Variants in PDCD6IP observed in about 807,000 individuals in gnomAD.
PDCD6IP encodes the protein programmed cell death 6 interacting protein, also known as programmed cell death 6-interacting protein.
Under a neutral mutation model 103.7 loss-of-function variants are expected in PDCD6IP, and 43 were observed. The ratio of observed to expected loss-of-function variants is 0.41; its 90% CI spans 0.32 to 0.53. PDCD6IP has a LOEUF of 0.53. Ranked by LOEUF, PDCD6IP falls within the 20% of genes least tolerant of loss-of-function variation. PDCD6IP has a pLI of 0.16. For synonymous variants in PDCD6IP, 354 were observed against 378.7 expected, an observed-to-expected ratio of 0.93 and a Z score of 0.76; for missense variants, 871 against 1,036.7, an observed-to-expected ratio of 0.84 and a Z score of 2.20.
At chr3:33,856,188 C>G (rs1191851383) in intron 15 of PDCD6IP, among the ~76,000 whole-genome samples, 1 of 152,160 alleles carries the variant, frequency 6.6e-6, no homozygotes, top group Non-Finnish European at 1.5e-5. Context: ...TCTTCCGCTC[C>G]CCTGTGGAAA....
At chr3:33,858,964 A>T (rs1464681714) in intron 15 of PDCD6IP, among the ~76,000 whole-genome samples, 1 of 152,232 alleles carries the variant, frequency 6.6e-6, no homozygotes, top group Non-Finnish European at 1.5e-5. Flanking sequence ...GTTCAAGTAG[A>T]AAAAGAAACA....
At chr3:33,833,243 A>G (rs1257741708) in intron 7 of PDCD6IP, among the ~76,000 whole-genome samples, 1 of 152,142 alleles carries the variant, frequency 6.6e-6, no homozygotes, top group Non-Finnish European at 1.5e-5. Context: ...GTTAATAGTC[A>G]TAATCCAGTA....
rs184048861 is a variant in PDCD6IP, at chr3:33,869,428, C to T, written c.*2903C>T. On this transcript the variant is annotated 3_prime_UTR_variant, in exon 18 of 18. Transcript: ENST00000307296. Reference sequence around the variant, plus strand: ...TTGCTAGATTAAAAATAGACTAGAACAGGTTCATTTTAAGATTTACTTGGA... The same window carrying T: ...TTGCTAGATTAAAAATAGACTAGAATAGGTTCATTTTAAGATTTACTTGGA... The T allele has an allele frequency of 1.3e-5, 2 of 152,174 alleles. No individual in the cohort carries two copies. 9.4% of individuals were successfully genotyped at this position (152,174 alleles called of 1,614,324 possible).
chr3:33,818,720 T>C (rs1696920666), intron 3 of PDCD6IP, among the ~76,000 whole-genome samples: 1 of 152,074 alleles, frequency 6.6e-6, no homozygotes. Context: ...GGTTTCACCA[T>C]GTTGGCCAGA....
intron 15 of PDCD6IP, among the ~76,000 whole-genome samples, chr3:33,860,610 T>A (rs996904825): frequency 6.6e-6 from 1 of 152,230 alleles, no homozygotes; most frequent in African/African-American, 2.4e-5. Flanking sequence ...TACTTTCTCC[T>A]GTTTTTGCAT....
chr3:33,798,844 A>C lies in PDCD6IP; in HGVS notation c.116A>C (p.Tyr39Ser). 1 of 1,555,786 alleles carries C rather than the reference A, an allele frequency of 6.4e-7. No individual in the cohort carries two copies. The highest frequency in any genetic ancestry group is 8.7e-7 in the Non-Finnish European group (1 of 1,149,690). ...AGCGGCGGGGAAGAGCAGGCCCAGTACTGCCGCGCGGCGGAGGAGCTCAGC... is the reference window on the plus strand; with the variant it reads ...AGCGGCGGGGAAGAGCAGGCCCAGTCCTGCCGCGCGGCGGAGGAGCTCAGC... ...YPSGGEEQAQ[Y>S]CRAAEELSKL... Residue 39 changes from tyrosine to serine, a missense_variant, in exon 1 of 18, where the codon TAC becomes TCC. By Grantham distance (144) the Tyr-to-Ser change is moderately radical (BLOSUM62 -2). This residue lies in a region of PDCD6IP where 114 missense variants were observed against 106.7 expected (regional missense o/e 1.07). Coordinates refer to ENST00000307296, the MANE Select transcript of PDCD6IP (RefSeq NM_013374.6).
rs139859392 is a variant in PDCD6IP, at chr3:33,819,454, T to A, written c.335-2501T>A. Among the ~76,000 whole-genome samples the A allele has an allele frequency of 7.9e-5, 12 of 152,342 alleles. No homozygotes were observed. In the East Asian group the frequency reaches 2.3e-3, roughly 29 times the overall value. ...TCGCATTGCTCTTCCTTTATTTTGC[T>A]GCAGGCTTTTTTCACAACCTGGTTA... On this transcript the variant is annotated intron_variant, in intron 3 of 17. Coordinates refer to ENST00000307296, the MANE Select transcript of PDCD6IP (RefSeq NM_013374.6).
chr3:33,857,245 G>T (rs1575944041), intron 15 of PDCD6IP, among the ~76,000 whole-genome samples: 3 of 152,128 alleles, frequency 2.0e-5, no homozygotes, highest in South Asian at 4.1e-4. Flanking sequence ...CAGTGGTGCA[G>T]TCTTGGCTCA....
intron 15 of PDCD6IP, among the ~76,000 whole-genome samples, chr3:33,858,044 A>G (rs889159140): frequency 6.6e-6 from 1 of 152,228 alleles, no homozygotes; most frequent in Non-Finnish European, 1.5e-5. Flanking sequence ...AAAACCCAAG[A>G]GAACCCCAAA....
intron 7 of PDCD6IP, among the ~76,000 whole-genome samples, chr3:33,832,407 C>T (rs1008436327): frequency 4.6e-5 from 7 of 152,156 alleles, no homozygotes; most frequent in African/African-American, 1.7e-4. Context: ...CAGTCCCGTA[C>T]ATAGCAGCAG....
rs1470185759 is a variant in PDCD6IP, at chr3:33,865,249, A to G, written c.2251A>G (p.Lys751Glu). ...TGCTGACTTTTTCTTATAGCCTACT[A>G]AGCCCCAGCCCCCAGCCAGGCCTCC... ...TPAPRTMPPT[K>E]PQPPARPPPP... The change falls in exon 17 of 18, where the codon AAG (lysine) becomes GAG (glutamate). Residue 751 changes from lysine (K) to glutamate (E), a missense_variant. Transcript: ENST00000307296. The G allele has an allele frequency of 1.3e-6, 2 of 1,536,226 alleles. No individual in the cohort carries two copies. The highest frequency in any genetic ancestry group is 1.4e-5 in the African/African-American group (1 of 69,446).
intron 3 of PDCD6IP, among the ~76,000 whole-genome samples, chr3:33,816,528 AGAAAAT>A (rs1260729428): frequency 6.7e-6 from 1 of 150,250 alleles, no homozygotes; most frequent in Non-Finnish European, 1.5e-5. Flanking sequence ...AAAAAAAAAA[AGAAAAT>A]ATCTCCAGGT....
chr3:33,839,131 T>C (rs768834819), intron 9 of PDCD6IP, among the ~76,000 whole-genome samples: 3 of 152,192 alleles, frequency 2.0e-5, no homozygotes, highest in Middle Eastern at 3.2e-3. Context: ...GATAAATGTA[T>C]GTACCCATGT....
chr3:33,842,802 C>G (rs1246513572), intron 10 of PDCD6IP, among the ~76,000 whole-genome samples: 1 of 152,030 alleles, frequency 6.6e-6, no homozygotes, highest in South Asian at 2.1e-4. Flanking sequence ...CAGATTTTAC[C>G]AGTTATTCCA....
At chr3:33,805,951 T>C (rs1175578301) in intron 1 of PDCD6IP, among the ~76,000 whole-genome samples, 1 of 151,924 alleles carries the variant, frequency 6.6e-6, no homozygotes, top group Non-Finnish European at 1.5e-5. Context: ...TTCACCGTGT[T>C]AGCCAGGATG....
At chr3:33,830,840 A>G (rs892652591) in intron 7 of PDCD6IP, among the ~76,000 whole-genome samples, 31 of 152,190 alleles carry the variant, frequency 2.0e-4, no homozygotes, top group African/African-American at 7.5e-4. Flanking sequence ...CAAGAAGTTG[A>G]CCAATAAACC....
At chr3:33,842,238 T>A (rs933585240) in intron 10 of PDCD6IP, among the ~76,000 whole-genome samples, 164 bp downstream of exon 10, 7 of 152,180 alleles carry the variant, frequency 4.6e-5, no homozygotes, top group Non-Finnish European at 1.0e-4. Flanking sequence ...ATAAGAGAAA[T>A]TCTGGTTGAG....
chr3:33,814,711 ATATG>A (rs1696802265), intron 3 of PDCD6IP, among the ~76,000 whole-genome samples: 2 of 146,098 alleles, frequency 1.4e-5, no homozygotes, highest in South Asian at 2.1e-4. Flanking sequence ...ATGTATGTAT[ATATG>A]TAAGTATATA....
At chr3:33,851,747 T>C (rs1000864455) in intron 12 of PDCD6IP, among the ~76,000 whole-genome samples, 2 of 152,066 alleles carry the variant, frequency 1.3e-5, no homozygotes, top group Non-Finnish European at 2.9e-5. Flanking sequence ...GGCATGAACC[T>C]CTACATCTGG....
Sources: gnomAD v4.1 joint callset for allele counts (sites outside exome capture counted in the v4.1 genomes callset) on GRCh38, gnomAD v4.1.1 for gene constraint, gnomAD v4.1.1 regional missense constraint, MANE v1.5 for transcripts, NCBI Gene and HGNC (gene_info 2026-07-23, HGNC 2026-07-21) for gene names.